KCNAB1: variants seen among roughly 807,000 people sequenced by gnomAD.
The protein encoded by KCNAB1 is potassium voltage-gated channel subfamily A regulatory beta subunit 1, also known as voltage-gated potassium channel subunit beta-1.
In KCNAB1, 35 loss-of-function variants were observed where a neutral mutation model predicts 64.6. The ratio of observed to expected loss-of-function variants is 0.54; its 90% CI spans 0.41 to 0.72. The LOEUF (loss-of-function observed/expected upper bound fraction) is 0.72. KCNAB1 is among the 30% of genes least tolerant of loss of function. The pLI is 0.00. For synonymous variants in KCNAB1, 177 were observed against 183.8 expected (o/e 0.96, Z 0.30); for missense variants, 401 against 512.9 (o/e 0.78, Z 2.11).
At chr3:156,444,542 C>A (rs1444275777) in intron 2 of KCNAB1, among the ~76,000 whole-genome samples, 2 of 152,192 alleles carry the variant, frequency 1.3e-5, no homozygotes, top group Middle Eastern at 3.2e-3. Flanking sequence ...AGTCAGAACT[C>A]CAGCCCAGGC....
At chr3:156,470,565 T>A (rs543920145) in intron 7 of KCNAB1, among the ~76,000 whole-genome samples, 1 of 152,348 alleles carries the variant, frequency 6.6e-6, no homozygotes, top group African/African-American at 2.4e-5. Flanking sequence ...AAAGAAATAG[T>A]TTGGTAGGTC....
At chr3:156,310,676 T>C (rs1401890947) in intron 1 of KCNAB1, among the ~76,000 whole-genome samples, 4 of 151,944 alleles carry the variant, frequency 2.6e-5, no homozygotes, top group African/African-American at 4.8e-5. Context: ...GGGTGGCGGG[T>C]GCCTGTATTC....
chr3:156,292,881 A>G (rs544798107), intron 1 of KCNAB1, among the ~76,000 whole-genome samples: 199 of 152,376 alleles, frequency 1.3e-3, no homozygotes, highest in African/African-American at 4.6e-3. Context: ...CAAATGCTAT[A>G]CAAAGCTTTT....
chr3:156,318,545 G>A (rs1425831552), intron 1 of KCNAB1, among the ~76,000 whole-genome samples: 1 of 152,108 alleles, frequency 6.6e-6, no homozygotes, highest in Non-Finnish European at 1.5e-5. Flanking sequence ...AACTCCATGA[G>A]GGCATGGAGT....
chr3:156,518,847 G>T (rs1458692073), intron 11 of KCNAB1, among the ~76,000 whole-genome samples: 1 of 152,056 alleles, frequency 6.6e-6, no homozygotes, highest in East Asian at 1.9e-4. Flanking sequence ...CCTTCTTTGT[G>T]TCTATTAGAC....
At chr3:156,128,324 A>C (rs930975806) in intron 1 of KCNAB1, among the ~76,000 whole-genome samples, 2 of 152,230 alleles carry the variant, frequency 1.3e-5, no homozygotes, top group Non-Finnish European at 1.5e-5. Flanking sequence ...TTATAGAGAC[A>C]GTGCAACTGA....
chr3:156,187,488 T>A (rs760282092), intron 1 of KCNAB1, among the ~76,000 whole-genome samples: 1 of 152,200 alleles, frequency 6.6e-6, no homozygotes, highest in Non-Finnish European at 1.5e-5. Context: ...CCCCATTCCA[T>A]CCTGCTTCTT....
intron 1 of KCNAB1, among the ~76,000 whole-genome samples, chr3:156,316,279 C>T (rs749695619): frequency 6.6e-6 from 1 of 152,258 alleles, no homozygotes; most frequent in Non-Finnish European, 1.5e-5. Context: ...GTCAAGTCAG[C>T]TCTTTACTGG....
intron 1 of KCNAB1, among the ~76,000 whole-genome samples, chr3:156,379,588 G>A (rs879456789): frequency 6.6e-6 from 1 of 152,146 alleles, no homozygotes; most frequent in Admixed American, 6.5e-5. Context: ...TGCCCAGCAT[G>A]TTAAGAAAAA....
At chr3:156,253,647 G>C (rs1717952167) in intron 1 of KCNAB1, among the ~76,000 whole-genome samples, 2 of 152,188 alleles carry the variant, frequency 1.3e-5, no homozygotes, top group African/African-American at 4.8e-5. Context: ...GTGTTTGAGG[G>C]GAGGCTCAGC....
At chr3:156,266,337 T>C (rs543463251) in intron 1 of KCNAB1, among the ~76,000 whole-genome samples, 2 of 152,328 alleles carry the variant, frequency 1.3e-5, no homozygotes, top group Admixed American at 1.3e-4. Flanking sequence ...CTAATGTTAT[T>C]AGAGATAACG....
intron 2 of KCNAB1, among the ~76,000 whole-genome samples, chr3:156,447,156 G>A (rs1285202513): frequency 6.6e-6 from 1 of 151,982 alleles, no homozygotes; most frequent in Non-Finnish European, 1.5e-5. Context: ...ATCTTATCTG[G>A]CCACCCTATC....
intron 1 of KCNAB1, among the ~76,000 whole-genome samples, chr3:156,399,906 A>G (rs1452692279): frequency 6.6e-6 from 1 of 152,148 alleles, no homozygotes; most frequent in Non-Finnish European, 1.5e-5. Flanking sequence ...CTTCCTTTGG[A>G]CTTTTGACTA....
chr3:156,164,455 C>T (rs184375561), intron 1 of KCNAB1, among the ~76,000 whole-genome samples: 59 of 152,254 alleles, frequency 3.9e-4, no homozygotes, highest in African/African-American at 1.4e-3. Flanking sequence ...TGTACATGAC[C>T]ATCTCTTTCA....
chr3:156,198,688 G>A (rs1454368200), intron 1 of KCNAB1, among the ~76,000 whole-genome samples: 5 of 123,102 alleles, frequency 4.1e-5, no homozygotes, highest in African/African-American at 1.6e-4. Flanking sequence ...TTGAGCCTAT[G>A]TGTGTCTTTG....
chr3:156,246,148 C>A (rs1020977659), intron 1 of KCNAB1, among the ~76,000 whole-genome samples: 2 of 152,166 alleles, frequency 1.3e-5, no homozygotes, highest in Non-Finnish European at 2.9e-5. Flanking sequence ...CCCCTATAAT[C>A]ATAGCTGGTA....
intron 2 of KCNAB1, among the ~76,000 whole-genome samples, chr3:156,440,648 G>C (rs1716926897): frequency 6.6e-6 from 1 of 152,316 alleles, no homozygotes; most frequent in South Asian, 2.1e-4. Flanking sequence ...AATAGACTAA[G>C]AGTCAGTGCA....
chr3:156,312,731 A>AAAAAAAAAAAAAAAAAAAAAAAAAAAAC (rs1722007557), intron 1 of KCNAB1, among the ~76,000 whole-genome samples: 2 of 144,526 alleles, frequency 1.4e-5, no homozygotes, highest in African/African-American at 5.4e-5. Context: ...AAAAAAAAAA[A>AAAAAAAAAAAAAAAAAAAAAAAAAAAAC]CTCATAATAA....
Position 156,166,524 on chromosome 3 carries a change from CAT to C in KCNAB1, c.275+45644_275+45645del, listed in dbSNP as rs758001259. Among the ~76,000 whole-genome samples the C allele has an allele frequency of 4.4e-3, 638 of 145,624 alleles. 4 individuals are homozygous for C. Among genetic ancestry groups the C allele is most frequent in the African/African-American group, 7.5e-3 (292 of 38,696 alleles). On this transcript the variant is annotated intron_variant, in intron 1 of 13. Coordinates refer to ENST00000490337, the MANE Select transcript of KCNAB1 (RefSeq NM_172160.3). ...TTGTGCTAGACAAATTTAAAAAATA[CAT>C]ATATACACACACACACACACACACA...
Sources: gnomAD v4.1 joint callset for allele counts (sites outside exome capture counted in the v4.1 genomes callset) on GRCh38, gnomAD v4.1.1 for gene constraint, MANE v1.5 for transcripts, NCBI Gene and HGNC (gene_info 2026-07-23, HGNC 2026-07-21) for gene names.